Variants in PTPRK observed in about 807,000 individuals in gnomAD.
PTPRK encodes the protein protein tyrosine phosphatase receptor type K, also known as receptor-type tyrosine-protein phosphatase kappa.
PTPRK carries 75 observed loss-of-function variants against 178.0 expected under a neutral mutation model. The ratio of observed to expected loss-of-function variants is 0.42; its 90% confidence interval spans 0.35 to 0.51. The LOEUF is 0.51. Ranked by LOEUF, PTPRK falls within the 20% of genes least tolerant of loss-of-function variation. The pLI is 0.02. For missense variants in PTPRK, 1,441 were observed against 1,797.8 expected, an observed-to-expected ratio of 0.80 and a Z score of 3.59; for synonymous variants, 637 against 620.6, an observed-to-expected ratio of 1.03 and a Z score of -0.39.
At chr6:128,070,679 C>T (rs1394849249) in intron 11 of PTPRK, among the ~76,000 whole-genome samples, 2 of 151,918 alleles carry the variant, frequency 1.3e-5, no homozygotes, top group African/African-American at 2.4e-5. Flanking sequence ...TACCACCACT[C>T]ATACCAGGAG....
At chr6:128,262,933 T>C (rs963057104) in intron 3 of PTPRK, among the ~76,000 whole-genome samples, 1 of 148,248 alleles carries the variant, frequency 6.7e-6, no homozygotes, top group Non-Finnish European at 1.5e-5. Context: ...TTTCCTTGAG[T>C]GTTTGCTGGG....
At chr6:128,389,921 C>T (rs765008408) in intron 2 of PTPRK, among the ~76,000 whole-genome samples, 6 of 152,060 alleles carry the variant, frequency 3.9e-5, no homozygotes, top group Non-Finnish European at 7.4e-5. Flanking sequence ...ACAGTCCTTA[C>T]ATTAAAAACC....
chr6:128,516,898 AG>A (rs141985231), intron 1 of PTPRK, among the ~76,000 whole-genome samples: 1,693 of 152,168 alleles, frequency 0.011, 29 homozygotes, highest in African/African-American at 0.037. Context: ...GAATGTTAAT[AG>A]TGACTCTTCC....
At chr6:128,295,332 T>C (rs886728759) in intron 3 of PTPRK, among the ~76,000 whole-genome samples, 1 of 152,094 alleles carries the variant, frequency 6.6e-6, no homozygotes, top group African/African-American at 2.4e-5. Context: ...TGCCAACCTC[T>C]GTTACAGGAT....
chr6:128,254,682 A>C lies in PTPRK; in HGVS notation c.496-12080T>G, dbSNP rs551309872. ...TGTAAGACTTTAAGAATCTTGCTAA[A>C]AATTTTAAGGCAAAATATTTTTATC... On this transcript the variant is annotated intron_variant, in intron 3 of 29. Transcript: ENST00000368226. 3.3e-5 allele frequency among the ~76,000 whole-genome samples: 5 copies of C among 152,294 alleles called. No homozygotes were observed. In the East Asian group the frequency reaches 9.6e-4, roughly 29 times the overall value.
At chr6:128,400,361 C>G (rs1455181202) in intron 1 of PTPRK, among the ~76,000 whole-genome samples, 1 of 152,058 alleles carries the variant, frequency 6.6e-6, no homozygotes, top group East Asian at 1.9e-4. Context: ...TCTAAAGGAA[C>G]ATCATATGTT....
intron 17 of PTPRK, among the ~76,000 whole-genome samples, chr6:127,996,246 A>G (rs1777137996): frequency 6.6e-6 from 1 of 152,108 alleles, no homozygotes; most frequent in Non-Finnish European, 1.5e-5. Flanking sequence ...TAACACCCCA[A>G]TCTTGAATAT....
intron 11 of PTPRK, among the ~76,000 whole-genome samples, chr6:128,069,291 A>G (rs1782395887): frequency 6.6e-6 from 1 of 152,116 alleles, no homozygotes; most frequent in African/African-American, 2.4e-5. Flanking sequence ...TTGTGATTTG[A>G]GCAAGCAAGG....
At chr6:128,198,561 G>A (rs569879667) in intron 6 of PTPRK, among the ~76,000 whole-genome samples, 13 of 152,218 alleles carry the variant, frequency 8.5e-5, no homozygotes, top group African/African-American at 2.9e-4. Flanking sequence ...ACCATGGCAT[G>A]TGTATACCTA....
chr6:128,290,609 GGCC>G (rs1823226139), intron 3 of PTPRK, among the ~76,000 whole-genome samples: 1 of 151,650 alleles, frequency 6.6e-6, no homozygotes, highest in East Asian at 1.9e-4. Context: ...GGGGAACAGG[GGCC>G]AGTTCTCTAG....
At chr6:128,165,569 T>C (rs1799282190) in intron 7 of PTPRK, among the ~76,000 whole-genome samples, 2 of 151,050 alleles carry the variant, frequency 1.3e-5, no homozygotes, top group African/African-American at 4.8e-5. Flanking sequence ...TATAAATATG[T>C]AATAAGTATT....
intron 1 of PTPRK, among the ~76,000 whole-genome samples, chr6:128,452,892 C>A (rs1011186192): frequency 6.6e-5 from 10 of 152,294 alleles, no homozygotes; most frequent in African/African-American, 1.9e-4. Context: ...TCTTCCTCTG[C>A]CCAGTCAGCA....
chr6:128,219,197 A>G, intron 5 of PTPRK, 101 bp from the exon 6 acceptor site: 1 of 1,127,582 alleles, frequency 8.9e-7, no homozygotes, highest in East Asian at 2.6e-5. Context: ...TTCTTGTTGC[A>G]AAAGAGCCAC....
intron 13 of PTPRK, among the ~76,000 whole-genome samples, chr6:128,039,600 G>T (rs1385402482): frequency 6.6e-6 from 1 of 152,126 alleles, no homozygotes; most frequent in South Asian, 2.1e-4. Flanking sequence ...TAAATTATAG[G>T]AAATCTATTA....
At chr6:128,387,670 T>G (rs137862806) in intron 2 of PTPRK, among the ~76,000 whole-genome samples, 2,915 of 152,202 alleles carry the variant, frequency 0.019, 50 homozygotes, top group South Asian at 0.041. Context: ...TTAAATAAAG[T>G]ATGTTCCCTT....
chr6:128,248,526 A>G (rs1488864292), intron 3 of PTPRK, among the ~76,000 whole-genome samples: 1 of 152,204 alleles, frequency 6.6e-6, no homozygotes, highest in Admixed American at 6.5e-5. Flanking sequence ...ACATGGCATC[A>G]CAAAAGCTTA....
intron 1 of PTPRK, among the ~76,000 whole-genome samples, chr6:128,503,856 G>T (rs1855920129): frequency 6.7e-6 from 1 of 148,584 alleles, no homozygotes; most frequent in African/African-American, 2.6e-5. Flanking sequence ...GTGTGTGTGT[G>T]TGTGTGTGTG....
chr6:128,082,336 A>G, intron 10 of PTPRK, 101 bp downstream of exon 10: 1 of 1,110,120 alleles, frequency 9.0e-7, no homozygotes. Context: ...AGGTTCAACA[A>G]GCAAGATGAA....
At chr6:128,249,896 C>A (rs1816180286) in intron 3 of PTPRK, among the ~76,000 whole-genome samples, 1 of 152,182 alleles carries the variant, frequency 6.6e-6, no homozygotes, top group Non-Finnish European at 1.5e-5. Context: ...GCTGCGCCCC[C>A]ACCCAAATCT....
Sources: gnomAD v4.1 joint callset for allele counts (sites outside exome capture counted in the v4.1 genomes callset) on GRCh38, gnomAD v4.1.1 for gene constraint, MANE v1.5 for transcripts, NCBI Gene and HGNC (gene_info 2026-07-23, HGNC 2026-07-21) for gene names.